BRAF: variants seen among roughly 807,000 people sequenced by gnomAD.
BRAF encodes B-Raf proto-oncogene, serine/threonine kinase.
Under a neutral mutation model 104.6 loss-of-function variants are expected in BRAF, and 16 were observed. The ratio of observed to expected loss-of-function variants is 0.15; its 90% confidence interval spans 0.10 to 0.23. The LOEUF (loss-of-function observed/expected upper bound fraction) is 0.23, where lower values mean the gene tolerates loss of function less well. Among genes scored for constraint, BRAF ranks in the 10% least tolerant of loss-of-function variants. BRAF has a pLI of 1.00. For synonymous variants in BRAF, 310 were observed against 341.6 expected, an observed-to-expected ratio of 0.91 and a Z score of 1.02; for missense variants, 541 against 937.3, an observed-to-expected ratio of 0.58 and a Z score of 5.52.
At chr7:140,743,055 T>C (rs1043960570) in intron 17 of BRAF, among the ~76,000 whole-genome samples, 18 of 152,296 alleles carry the variant, frequency 1.2e-4, no homozygotes, top group Admixed American at 7.8e-4. Context: ...ATCACAATCA[T>C]TAAAAAGTCA....
At chr7:140,868,503 C>G (rs1365868442) in intron 1 of BRAF, among the ~76,000 whole-genome samples, 5 of 151,398 alleles carry the variant, frequency 3.3e-5, no homozygotes, top group African/African-American at 1.2e-4. Context: ...TATGATTCCA[C>G]GTATATAAAA....
At chr7:140,718,935 G>C (rs772730840), downstream of BRAF, among the ~76,000 whole-genome samples, 1 of 152,180 alleles carries the variant, frequency 6.6e-6, no homozygotes, top group Admixed American at 6.6e-5. Context: ...GAAAATGTAA[G>C]CTGTCAAAAG....
Position 140,834,691 on chromosome 7 carries a change from G to T in BRAF, c.422C>A (p.Pro141His), listed in dbSNP as rs2129062039. 8 of 1,614,102 alleles carry T rather than the reference G, an allele frequency of 5.0e-6. No homozygotes were observed. The highest frequency in any genetic ancestry group is 5.9e-6 in the Non-Finnish European group (7 of 1,179,994). ...GGGGTTGCTCCGTGCCACATCTGTG[G>T]GATTTTGAAAAACTGAAAGAGATGA... is the stretch of plus-strand genomic sequence containing the variant. The part of the protein sequence containing the change: ...LPSSLSVFQN[P>H]TDVARSNPKS... The change falls in exon 3 of 20, where the codon CCC becomes CAC. Residue 141 changes from proline (P) to histidine (H), a missense_variant. Physicochemically the swap from Pro to His is moderately conservative, Grantham distance 77. Coordinates refer to ENST00000644969, the MANE Select transcript of BRAF (RefSeq NM_001374258.1).
At position 140,723,022 on chromosome 7, in the gene BRAF, GCTC is replaced by G. The variant is rs1795393572; in HGVS notation, c.*3469_*3471del. The G allele has an allele frequency of 1.9e-6, 2 of 1,052,522 alleles. No homozygotes were observed. The highest frequency in any genetic ancestry group is 1.1e-4 in the East Asian group (2 of 18,450). The allele number at this position is 1,052,522 out of a possible 1,614,324, so 65.2% of individuals were successfully genotyped here. A position where few individuals can be genotyped will look rare whatever the true frequency, so the allele number is the denominator to read the frequency against. On this transcript the variant is annotated 3_prime_UTR_variant, in exon 20 of 20. Transcript: ENST00000644969. ...TCTTAAATCATCGTCATGTTCTAGA[GCTC>G]CTGACTTTTCATATTTTAAAATAAA...
chr7:140,801,537 T>C lies in BRAF; in HGVS notation c.735A>G (p.Leu245=), dbSNP rs397507466. ...HNFVRKTFFT[L]AFCDFCRKLL... is the part of the protein sequence containing the mutation. ...GCTTTCGACAAAAGTCACAAAATGC[T>C]AAGGTGAAAAACGTTTTTCGTACCT... The change falls in exon 6 of 20, where the codon TTA becomes TTG. Residue 245 remains leucine, a synonymous_variant. Coordinates refer to ENST00000644969, the MANE Select transcript of BRAF (RefSeq NM_001374258.1). 1 of 1,613,600 alleles carries C rather than the reference T, an allele frequency of 6.2e-7. No homozygotes were observed. Among genetic ancestry groups the C allele is most frequent in the East Asian group, 2.2e-5 (1 of 44,836 alleles).
rs549250720 is a variant in BRAF at position 140,743,287 on chromosome 7, G to A, written c.2113-3341C>T. Reference sequence around the variant, plus strand: ...ACACATGCACACGTATGTTTATAGCGGCACTATTCACAATAGCAAAGACTT... The same window carrying A: ...ACACATGCACACGTATGTTTATAGCAGCACTATTCACAATAGCAAAGACTT... On this transcript the variant is annotated intron_variant, in intron 17 of 19. Coordinates refer to ENST00000644969, the MANE Select transcript of BRAF (RefSeq NM_001374258.1). Among the ~76,000 whole-genome samples, 617 of 151,406 alleles carry A rather than the reference G, an allele frequency of 4.1e-3. 7 individuals carry two copies. The highest frequency in any genetic ancestry group is 0.014 in the African/African-American group (569 of 40,888).
intron 1 of BRAF, among the ~76,000 whole-genome samples, chr7:140,855,574 T>C (rs1189784730): frequency 6.6e-6 from 1 of 151,694 alleles, no homozygotes; most frequent in African/African-American, 2.4e-5. Context: ...ACTACAGCCA[T>C]TGGCTCCCCT....
At chr7:140,811,782 GT>G (rs962469939) in intron 3 of BRAF, among the ~76,000 whole-genome samples, 14 of 152,152 alleles carry the variant, frequency 9.2e-5, no homozygotes, top group African/African-American at 3.4e-4. Context: ...ATACAGAGGG[GT>G]TTTTTGGCTC....
At chr7:140,857,426 T>C (rs1809917683) in intron 1 of BRAF, among the ~76,000 whole-genome samples, 1 of 152,178 alleles carries the variant, frequency 6.6e-6, no homozygotes, top group South Asian at 2.1e-4. Flanking sequence ...TCCAGAAATG[T>C]AAGAGAGTAC....
Position 140,784,073 on chromosome 7 carries a change from G to A in BRAF, c.1298-916C>T, listed in dbSNP as rs1586149968. Among the ~76,000 whole-genome samples, 7 of 152,208 alleles carry A rather than the reference G, an allele frequency of 4.6e-5. 1 individual carries two copies. Among genetic ancestry groups the A allele is most frequent in the Admixed American group, 4.6e-4 (7 of 15,292 alleles). On this transcript the variant is annotated intron_variant, in intron 10 of 19. Transcript: ENST00000644969. ...CTTACTGGGGCCTGAATACAGCTGAGTAGAACTCAGATGTCCAGGCAATAG... is the reference window on the plus strand; with the variant it reads ...CTTACTGGGGCCTGAATACAGCTGAATAGAACTCAGATGTCCAGGCAATAG...
intron 14 of BRAF, among the ~76,000 whole-genome samples, chr7:140,761,952 A>AT (rs925704000): frequency 2.0e-5 from 3 of 152,216 alleles, no homozygotes; most frequent in Non-Finnish European, 4.4e-5. Context: ...AGACTTTAAC[A>AT]TCCCACTGTC....
intron 14 of BRAF, among the ~76,000 whole-genome samples, chr7:140,763,136 C>T (rs368560017): frequency 0.023 from 3,499 of 152,302 alleles, 41 homozygotes; most frequent in South Asian, 0.036. Flanking sequence ...ACCTCCCAGA[C>T]GGGGTGGTGG....
intron 10 of BRAF, among the ~76,000 whole-genome samples, chr7:140,783,785 A>T (rs1162525153): frequency 6.6e-6 from 1 of 152,232 alleles, no homozygotes; most frequent in Non-Finnish European, 1.5e-5. Flanking sequence ...CCTACAAAAC[A>T]AAGTTAATGT....
At position 140,880,877 on chromosome 7, in the gene BRAF, G is replaced by A. The variant is rs138002297; in HGVS notation, c.139-30665C>T. Among the ~76,000 whole-genome samples, 1,369 of 152,100 alleles carry A rather than the reference G, an allele frequency of 9.0e-3. 10 individuals carry two copies. The highest frequency in any genetic ancestry group is 0.013 in the Non-Finnish European group (904 of 67,996). ...CCCACCTACTCAGGCAGCTGAGGCA[G>A]GAGGATTGCTTGAGCTCAGGGGTTC... On this transcript the variant is annotated intron_variant, in intron 1 of 19. Coordinates refer to ENST00000644969, the MANE Select transcript of BRAF (RefSeq NM_001374258.1).
intron 11 of BRAF, 79 bp from the exon 11 acceptor site, chr7:140,781,772 T>A: frequency 8.6e-7 from 1 of 1,159,976 alleles, no homozygotes; most frequent in Non-Finnish European, 1.3e-6. Flanking sequence ...GTACATTACC[T>A]TATGCCTGAG....
rs1246701355 is a variant in BRAF at position 140,847,421 on chromosome 7, A to G, written c.240+2690T>C. 2.0e-5 allele frequency among the ~76,000 whole-genome samples: 3 copies of G among 152,050 alleles called. No individual in the cohort carries two copies. In the East Asian group the frequency reaches 5.8e-4, roughly 29 times the overall value. ...AACATGCTGAAACCCTGTCTCTACT[A>G]AAAACACAAAAATTAGCTGGGTATG... On this transcript the variant is annotated intron_variant, in intron 2 of 19. Coordinates refer to ENST00000644969, the MANE Select transcript of BRAF (RefSeq NM_001374258.1).
At chr7:140,718,258 C>CT (rs1265058316), downstream of BRAF, among the ~76,000 whole-genome samples, 1 of 151,598 alleles carries the variant, frequency 6.6e-6, no homozygotes, top group African/African-American at 2.4e-5. Context: ...CCATGCCCAG[C>CT]TTTTTTTTAT....
chr7:140,726,054 G>C lies in BRAF; in HGVS notation c.*440C>G, dbSNP rs1174467285. 3.7e-6 allele frequency: 4 copies of C among 1,074,510 alleles called. No homozygotes were observed. Among genetic ancestry groups the C allele is most frequent in the Non-Finnish European group, 4.5e-6 (4 of 885,754 alleles). The allele number at this position is 1,074,510 out of a possible 1,614,324, so 66.6% of individuals were successfully genotyped here. A position where few individuals can be genotyped will look rare whatever the true frequency, so the allele number is the denominator to read the frequency against. ...AGCTCCAAAACAAAATTCCAGAACAGGAAAGAGAACGATGCTTGGTGATTG... is the reference window on the plus strand; with the variant it reads ...AGCTCCAAAACAAAATTCCAGAACACGAAAGAGAACGATGCTTGGTGATTG... On this transcript the variant is annotated 3_prime_UTR_variant, in exon 20 of 20. Coordinates refer to ENST00000644969, the MANE Select transcript of BRAF (RefSeq NM_001374258.1).
At chr7:140,769,011 C>T (rs1442694543) in intron 14 of BRAF, among the ~76,000 whole-genome samples, 1 of 152,074 alleles carries the variant, frequency 6.6e-6, no homozygotes, top group African/African-American at 2.4e-5. Flanking sequence ...TTTCTTTTTG[C>T]AGAAAACAAC....
Sources: gnomAD v4.1 joint callset for allele counts (sites outside exome capture counted in the v4.1 genomes callset) on GRCh38, gnomAD v4.1.1 for gene constraint, MANE v1.5 for transcripts, NCBI Gene and HGNC (gene_info 2026-07-23, HGNC 2026-07-21) for gene names.